Variants in EBF1 observed in about 807,000 individuals in gnomAD.
EBF1 encodes transcription factor COE1.
Under a neutral mutation model 68.4 loss-of-function variants are expected in EBF1, and 10 were observed. That is an observed-to-expected ratio of 0.15 (90% CI 0.09 to 0.25). EBF1 has a LOEUF of 0.25. Among genes scored for constraint, EBF1 ranks in the 10% least tolerant of loss-of-function variants. EBF1 has a pLI of 1.00. For missense variants in EBF1, 509 were observed against 794.4 expected (o/e 0.64, Z 4.32); for synonymous variants, 298 against 299.8 (o/e 0.99, Z 0.06).
At chr5:158,844,535 T>C (rs908636812) in intron 6 of EBF1, among the ~76,000 whole-genome samples, 20 of 152,356 alleles carry the variant, frequency 1.3e-4, no homozygotes, top group Admixed American at 4.6e-4. Context: ...TCACTTAGTC[T>C]AACCTCCTCA....
intron 6 of EBF1, among the ~76,000 whole-genome samples, chr5:158,926,198 A>G (rs998726814): frequency 2.6e-5 from 4 of 152,158 alleles, no homozygotes; most frequent in African/African-American, 4.8e-5. Flanking sequence ...CTTCATATCT[A>G]TGTGTATTTC....
At chr5:158,731,241 C>A (rs1359722032) in intron 10 of EBF1, 84 bp from the exon 11 acceptor site, 1 of 1,269,248 alleles carries the variant, frequency 7.9e-7, no homozygotes, top group African/African-American at 1.5e-5. Context: ...GTGGAAATAA[C>A]CAGGAAGTCC....
chr5:159,057,376 G>A (rs1458374982), intron 6 of EBF1, among the ~76,000 whole-genome samples: 1 of 151,920 alleles, frequency 6.6e-6, no homozygotes, highest in Non-Finnish European at 1.5e-5. Context: ...AAAAGTGCTG[G>A]GATTACTAAG....
rs999441081 is a variant in EBF1, at chr5:159,090,249, A to AG, written c.411+5370_411+5371insC. On this transcript the variant is annotated intron_variant, in intron 4 of 15. Coordinates refer to ENST00000313708, the MANE Select transcript of EBF1 (RefSeq NM_024007.5). ...ATTTCTACTGTTTGTCATTAAAAAA[A>AG]AAAGAAAGAAAAAAAAAAAGGTGCT... Among the ~76,000 whole-genome samples the AG allele has an allele frequency of 6.6e-5, 8 of 121,288 alleles. No individual in the cohort carries two copies. The South Asian group carries it at 8.0e-4, about 12-fold the overall frequency. 79.6% of individuals were successfully genotyped at this position (121,288 alleles called of 152,430 possible).
chr5:159,033,157 T>G (rs1291662748), intron 6 of EBF1, among the ~76,000 whole-genome samples: 1 of 152,292 alleles, frequency 6.6e-6, no homozygotes, highest in Admixed American at 6.5e-5. Flanking sequence ...AAGCGGGAAG[T>G]GGGGTGCACC....
chr5:158,979,586 G>C (rs1006510685), intron 6 of EBF1, among the ~76,000 whole-genome samples: 1 of 151,934 alleles, frequency 6.6e-6, no homozygotes, highest in Non-Finnish European at 1.5e-5. Flanking sequence ...TATCAGATTA[G>C]ACTGGGGCCG....
In EBF1 at chr5:158,973,981, G is replaced by A. The variant is rs114431577; in HGVS notation, c.554+99415C>T. Among the ~76,000 whole-genome samples, 588 of 152,264 alleles carry A rather than the reference G, an allele frequency of 3.9e-3. 3 individuals carry two copies. The highest frequency in any genetic ancestry group is 0.012 in the African/African-American group (507 of 41,552). ...CCTAGATCTTATGAACAGCAGTTCC[G>A]TTCTTATTCCTAAATCATTTTGCTG... On this transcript the variant is annotated intron_variant, in intron 6 of 15. Transcript: ENST00000313708.
In EBF1 at chr5:158,698,891, C is replaced by T. The variant is rs1756184869; in HGVS notation, c.*220G>A. On this transcript the variant is annotated 3_prime_UTR_variant, in exon 16 of 16. Transcript: ENST00000313708. ...ACAGAATAAATATATCCCCCAAATA[C>T]TTGGGAGGTACAACTTTAACCAACA... The T allele has an allele frequency of 4.7e-6, 2 of 429,194 alleles. No individual in the cohort carries two copies. Among genetic ancestry groups the T allele is most frequent in the South Asian group, 7.0e-5 (1 of 14,322 alleles). The allele number at this position is 429,194 out of a possible 1,614,324, so 26.6% of individuals were successfully genotyped here.
intron 10 of EBF1, among the ~76,000 whole-genome samples, 161 bp downstream of exon 10, chr5:158,777,252 T>C (rs954360376): frequency 3.9e-5 from 6 of 152,120 alleles, no homozygotes; most frequent in African/African-American, 1.4e-4. Context: ...AATACAATAA[T>C]AAAAGCACCA....
chr5:158,750,764 G>A (rs185259733), intron 10 of EBF1, among the ~76,000 whole-genome samples: 1 of 150,016 alleles, frequency 6.7e-6, no homozygotes, highest in Non-Finnish European at 1.5e-5. Context: ...TCTACCACTT[G>A]CAAAAAAAAA....
intron 11 of EBF1, among the ~76,000 whole-genome samples, chr5:158,714,514 G>T (rs749895724): frequency 6.6e-6 from 1 of 151,714 alleles, no homozygotes; most frequent in Non-Finnish European, 1.5e-5. Context: ...TCATTCAGTC[G>T]TGGTATGAAT....
chr5:158,969,917 A>AG (rs1554093966), intron 6 of EBF1, among the ~76,000 whole-genome samples: 2 of 50,854 alleles, frequency 3.9e-5, no homozygotes, highest in Admixed American at 2.0e-4. Context: ...AGAAAGAAAG[A>AG]AAAAAAAAAA....
At chr5:158,917,674 A>AT in intron 6 of EBF1, among the ~76,000 whole-genome samples, 1 of 152,316 alleles carries the variant, frequency 6.6e-6, no homozygotes, top group Middle Eastern at 3.4e-3. Context: ...GAAACAGTGA[A>AT]TAGACTTCTT....
At chr5:158,913,663 G>A (rs558795498) in intron 6 of EBF1, among the ~76,000 whole-genome samples, 4 of 152,242 alleles carry the variant, frequency 2.6e-5, no homozygotes, top group Non-Finnish European at 4.4e-5. Flanking sequence ...AAGGGCCCTC[G>A]GTATGGGTTT....
chr5:158,881,228 T>G (rs940353051), intron 6 of EBF1, among the ~76,000 whole-genome samples: 25 of 152,016 alleles, frequency 1.6e-4, no homozygotes, highest in Non-Finnish European at 1.5e-5. Flanking sequence ...CCAATCAAAC[T>G]CAACCTTTCT....
intron 7 of EBF1, among the ~76,000 whole-genome samples, chr5:158,839,228 T>C (rs544518692): frequency 2.7e-3 from 416 of 152,336 alleles, no homozygotes; most frequent in African/African-American, 9.3e-3. Flanking sequence ...GATGTTATGC[T>C]TCTTAACAGG....
intron 6 of EBF1, among the ~76,000 whole-genome samples, chr5:158,869,845 G>C (rs1796574489): frequency 6.6e-6 from 1 of 152,060 alleles, no homozygotes; most frequent in Non-Finnish European, 1.5e-5. Context: ...TACCTATTTT[G>C]TTTGCCTTTC....
intron 10 of EBF1, among the ~76,000 whole-genome samples, chr5:158,764,555 G>A (rs924557832): frequency 6.6e-6 from 1 of 152,192 alleles, no homozygotes; most frequent in South Asian, 2.1e-4. Context: ...CAAGGACACG[G>A]CCTTCAGGAA....
intron 11 of EBF1, among the ~76,000 whole-genome samples, chr5:158,717,023 T>C (rs1048807925): frequency 2.6e-5 from 4 of 152,228 alleles, no homozygotes; most frequent in Admixed American, 2.0e-4. Context: ...TGTAAGTAGA[T>C]TGAAAGGGCA....
Sources: gnomAD v4.1 joint callset for allele counts (sites outside exome capture counted in the v4.1 genomes callset) on GRCh38, gnomAD v4.1.1 for gene constraint, MANE v1.5 for transcripts, NCBI Gene and HGNC (gene_info 2026-07-23, HGNC 2026-07-21) for gene names.